Variants in CAMK2D observed in about 807,000 individuals in gnomAD.
CAMK2D encodes calcium/calmodulin-dependent protein kinase type II subunit delta.
Under a neutral mutation model 84.0 loss-of-function variants are expected in CAMK2D, and 37 were observed. The observed-to-expected ratio is 0.44, with a 90% CI of 0.34 to 0.58. CAMK2D has a LOEUF of 0.58. Ranked by LOEUF, CAMK2D falls within the 20% of genes least tolerant of loss-of-function variation. CAMK2D has a pLI of 0.02. For synonymous variants in CAMK2D, 202 were observed against 212.5 expected, an observed-to-expected ratio of 0.95 and a Z score of 0.43; for missense variants, 448 against 652.5, an observed-to-expected ratio of 0.69 and a Z score of 3.41.
chr4:113,755,690 G>A (rs1258241660), intron 2 of CAMK2D, among the ~76,000 whole-genome samples: 1 of 151,936 alleles, frequency 6.6e-6, no homozygotes, highest in Non-Finnish European at 1.5e-5. Context: ...CTGAACTGCA[G>A]TCACAGCTCT....
intron 8 of CAMK2D, among the ~76,000 whole-genome samples, chr4:113,518,675 G>C (rs17531033): frequency 0.17 from 26,404 of 152,136 alleles, 2,955 homozygotes; most frequent in Non-Finnish European, 0.26. Context: ...CTGAGAAGAA[G>C]AGTAAGACAG....
chr4:113,716,556 C>T (rs2099514001), intron 2 of CAMK2D, among the ~76,000 whole-genome samples: 1 of 145,094 alleles, frequency 6.9e-6, no homozygotes, highest in Non-Finnish European at 1.5e-5. Context: ...GAGGCTGAGG[C>T]AGGAGAATCG....
chr4:113,561,734 A>T (rs10023814), intron 4 of CAMK2D, among the ~76,000 whole-genome samples: 5,945 of 152,220 alleles, frequency 0.039, 396 homozygotes, highest in African/African-American at 0.13. Context: ...ACCATTTTTT[A>T]AAAAAAGATC....
chr4:113,606,861 G>A (rs903940378), intron 4 of CAMK2D, among the ~76,000 whole-genome samples: 3 of 151,978 alleles, frequency 2.0e-5, no homozygotes, highest in Non-Finnish European at 4.4e-5. Flanking sequence ...CAAAGACAAC[G>A]AGAAAAAGAA....
chr4:113,486,046 ACT>A lies in CAMK2D; in HGVS notation c.1135+14415_1135+14416del, dbSNP rs752640643. On this transcript the variant is annotated intron_variant, in intron 16 of 20. Transcript: ENST00000511664. ...GTGAAGAGATATGAAGAGTGAATGA[ACT>A]CTCTCAGATTAGACCAGCTTTCTAT... Among the ~76,000 whole-genome samples the A allele has an allele frequency of 3.2e-4, 48 of 152,182 alleles. 1 individual carries two copies. Among genetic ancestry groups the A allele is most frequent in the Admixed American group, 3.1e-3 (48 of 15,288 alleles).
chr4:113,698,396 C>T (rs1052545404), intron 2 of CAMK2D, among the ~76,000 whole-genome samples: 7 of 151,896 alleles, frequency 4.6e-5, no homozygotes, highest in East Asian at 3.8e-4. Context: ...ATTCATCATC[C>T]GTAAAATGGG....
At chr4:113,727,156 C>G (rs1462986169) in intron 2 of CAMK2D, among the ~76,000 whole-genome samples, 1 of 152,128 alleles carries the variant, frequency 6.6e-6, no homozygotes, top group East Asian at 1.9e-4. Flanking sequence ...GGTTCATTCT[C>G]ACAAAATTAA....
At chr4:113,576,924 C>T (rs2098785851) in intron 4 of CAMK2D, among the ~76,000 whole-genome samples, 1 of 152,156 alleles carries the variant, frequency 6.6e-6, no homozygotes, top group African/African-American at 2.4e-5. Flanking sequence ...TATACATTCA[C>T]ATTCTCTTGG....
At chr4:113,543,596 G>C (rs533334608) in intron 6 of CAMK2D, among the ~76,000 whole-genome samples, 1 of 151,868 alleles carries the variant, frequency 6.6e-6, no homozygotes, top group African/African-American at 2.4e-5. Context: ...TTCTTGTTTT[G>C]CTCAGTAATG....
At chr4:113,541,858 C>T (rs72907820) in intron 6 of CAMK2D, among the ~76,000 whole-genome samples, 9,332 of 151,826 alleles carry the variant, frequency 0.061, 839 homozygotes, top group African/African-American at 0.21. Flanking sequence ...TTTAGTTTTG[C>T]ATGAATTGAA....
At chr4:113,565,872 C>G (rs558466711) in intron 4 of CAMK2D, among the ~76,000 whole-genome samples, 163 of 151,976 alleles carry the variant, frequency 1.1e-3, no homozygotes, top group African/African-American at 3.8e-3. Context: ...TGCTTTCCTA[C>G]AGAATAGAAA....
intron 3 of CAMK2D, among the ~76,000 whole-genome samples, chr4:113,623,793 A>G (rs541497207): frequency 3.4e-4 from 51 of 152,128 alleles, no homozygotes; most frequent in Admixed American, 5.2e-4. Flanking sequence ...ATATCATGTT[A>G]TATGAATGTA....
At chr4:113,512,659 A>G (rs1219023801) in intron 12 of CAMK2D, among the ~76,000 whole-genome samples, 4 of 151,978 alleles carry the variant, frequency 2.6e-5, no homozygotes, top group African/African-American at 9.7e-5. Context: ...TACAACCTCC[A>G]CCTCCCTGGT....
chr4:113,608,660 T>C lies in CAMK2D; in HGVS notation c.275+492A>G, dbSNP rs893498586. 2.6e-5 allele frequency among the ~76,000 whole-genome samples: 4 copies of C among 152,186 alleles called. 1 individual carries two copies. Among genetic ancestry groups the C allele is most frequent in the Admixed American group, 2.0e-4 (3 of 15,288 alleles). On this transcript the variant is annotated intron_variant, in intron 4 of 20. Transcript: ENST00000511664. ...ACCATATGTGTGGCCTGTTTTACTA[T>C]ATCCCTGCCACTATATCCCTGCCAA...
At chr4:113,538,124 C>G (rs1590904930) in intron 6 of CAMK2D, among the ~76,000 whole-genome samples, 1 of 151,604 alleles carries the variant, frequency 6.6e-6, no homozygotes. Flanking sequence ...ATTTACATTT[C>G]TTCAAAGCGT....
In CAMK2D at chr4:113,737,345, T is replaced by C. The variant is rs137942318; in HGVS notation, c.160+21975A>G. Among the ~76,000 whole-genome samples the C allele has an allele frequency of 1.8e-4, 27 of 152,136 alleles. 1 individual carries two copies. The East Asian group carries it at 4.8e-3, about 27-fold the overall frequency. ...TAAAATTCTGACACACACTACAATATGAAAAAACCTTGAAGATATGCAAAG... is the reference window on the plus strand; with the variant it reads ...TAAAATTCTGACACACACTACAATACGAAAAAACCTTGAAGATATGCAAAG... On this transcript the variant is annotated intron_variant, in intron 2 of 20. Coordinates refer to ENST00000511664, the MANE Select transcript of CAMK2D (RefSeq NM_001321571.2).
chr4:113,509,674 T>G lies in CAMK2D; in HGVS notation c.948A>C (p.Ala316=). 1 of 1,607,036 alleles carries G rather than the reference T, an allele frequency of 6.2e-7. No individual in the cohort carries two copies. ...TTMLATRNFS[A]AKSLLKKPDG... is the part of the protein sequence containing the mutation. ...CTGGTTTCTTCAACAAACTCTTGGC[T>G]GCTGTAAAATGAGAGTAAAATCAGT... The change falls in exon 13 of 21, where the codon GCA becomes GCC. Residue 316 remains alanine, a splice_region_variant and synonymous_variant. Coordinates refer to ENST00000511664, the MANE Select transcript of CAMK2D (RefSeq NM_001321571.2).
chr4:113,489,031 G>A (rs2097793136), intron 16 of CAMK2D, among the ~76,000 whole-genome samples: 1 of 152,040 alleles, frequency 6.6e-6, no homozygotes, highest in African/African-American at 2.4e-5. Flanking sequence ...AAATGAAACT[G>A]TGTTACATTA....
chr4:113,690,912 C>G (rs527925436), intron 2 of CAMK2D, among the ~76,000 whole-genome samples: 2 of 152,176 alleles, frequency 1.3e-5, no homozygotes, highest in Non-Finnish European at 2.9e-5. Flanking sequence ...ATAACAGTAA[C>G]AGATCACACA....
Sources: gnomAD v4.1 joint callset for allele counts (sites outside exome capture counted in the v4.1 genomes callset) on GRCh38, gnomAD v4.1.1 for gene constraint, MANE v1.5 for transcripts, NCBI Gene and HGNC (gene_info 2026-07-23, HGNC 2026-07-21) for gene names.